Variants in PLD1 observed in about 807,000 individuals in gnomAD.
PLD1 encodes the protein phospholipase D1.
Under a neutral mutation model 137.1 loss-of-function variants are expected in PLD1, and 112 were observed. That is an observed-to-expected ratio of 0.82 (90% CI 0.70 to 0.96). The LOEUF (loss-of-function observed/expected upper bound fraction) is 0.96, where lower values mean the gene tolerates loss of function less well. Among genes scored for constraint, PLD1 ranks in the 40% least tolerant of loss-of-function variants. The pLI is 0.00. For synonymous variants in PLD1, 431 were observed against 454.7 expected (o/e 0.95, Z 0.66); for missense variants, 1,321 against 1,342.0 (o/e 0.98, Z 0.24).
At chr3:171,613,955 G>A (rs563985739) in intron 24 of PLD1, among the ~76,000 whole-genome samples, 4 of 152,324 alleles carry the variant, frequency 2.6e-5, no homozygotes, top group African/African-American at 9.6e-5. Context: ...CAGACGTGGA[G>A]CAGAAGGGTC....
rs551265265 is a variant in PLD1, at chr3:171,726,363, T to A, written c.607-287A>T. 4.9e-4 allele frequency among the ~76,000 whole-genome samples: 75 copies of A among 152,282 alleles called. 1 individual carries two copies. Among genetic ancestry groups the A allele is most frequent in the African/African-American group, 1.7e-3 (69 of 41,552 alleles). ...AGAGAGAGAGAGAGAGAGTTTATTC[T>A]CAATATTCTTTCATGTTTGTTTTTG... On this transcript the variant is annotated intron_variant, in intron 6 of 26. Coordinates refer to ENST00000351298, the MANE Select transcript of PLD1 (RefSeq NM_002662.5).
chr3:171,764,870 A>G (rs868732687), intron 1 of PLD1, among the ~76,000 whole-genome samples: 20 of 26,316 alleles, frequency 7.6e-4, no homozygotes, highest in African/African-American at 2.5e-3. Context: ...AAAGAAAGAA[A>G]GAAAGAAAGA....
intron 25 of PLD1, among the ~76,000 whole-genome samples, chr3:171,606,768 A>T (rs1432981521): frequency 6.6e-6 from 1 of 152,212 alleles, no homozygotes; most frequent in African/African-American, 2.4e-5. Flanking sequence ...CAATTATTTC[A>T]TTATGGACTT....
chr3:171,787,383 A>G (rs1446562257), intron 1 of PLD1, among the ~76,000 whole-genome samples: 1 of 152,132 alleles, frequency 6.6e-6, no homozygotes, highest in Admixed American at 6.5e-5. Flanking sequence ...TTGTGATCAA[A>G]TTACTTTCTC....
At chr3:171,705,868 A>G (rs73041835) in intron 11 of PLD1, among the ~76,000 whole-genome samples, 4,354 of 152,292 alleles carry the variant, frequency 0.029, 154 homozygotes, top group African/African-American at 0.084. Context: ...TCACAAGCCA[A>G]ATGTTGCCCA....
chr3:171,746,945 C>T (rs756766260), intron 1 of PLD1, among the ~76,000 whole-genome samples: 9 of 152,206 alleles, frequency 5.9e-5, no homozygotes, highest in Non-Finnish European at 1.2e-4. Flanking sequence ...GGCTTTGGGT[C>T]TGCACTGCTT....
chr3:171,681,413 C>A (rs1027663223), intron 16 of PLD1, among the ~76,000 whole-genome samples: 3 of 152,150 alleles, frequency 2.0e-5, no homozygotes, highest in Admixed American at 2.0e-4. Flanking sequence ...GTATTTACCA[C>A]ATTCTACACT....
At position 171,677,476 on chromosome 3, in the gene PLD1, A is replaced by G. The variant is rs569908398; in HGVS notation, c.1996+90T>C. 6.3e-6 allele frequency: 8 copies of G among 1,273,510 alleles called. No homozygotes were observed. The South Asian group carries it at 1.3e-4, about 20-fold the overall frequency. 78.9% of individuals were successfully genotyped at this position (1,273,510 alleles called of 1,614,324 possible). A position where few individuals can be genotyped will look rare whatever the true frequency, so the allele number is the denominator to read the frequency against. ...CAAAAATCAACGGAAGCAAAACAAA[A>G]GGCATTTAGATCATGCACATGTATA... On this transcript the variant is annotated intron_variant, in intron 17 of 26. Transcript: ENST00000351298.
rs778526953 is a variant in PLD1, at chr3:171,709,667, C to G, written c.954G>C (p.Trp318Cys). The G allele has an allele frequency of 1.9e-6, 3 of 1,613,908 alleles. No homozygotes were observed. Among genetic ancestry groups the G allele is most frequent in the Non-Finnish European group, 2.5e-6 (3 of 1,179,932 alleles). Residue 318 changes from tryptophan (W) to cysteine (C), a missense_variant, in exon 10 of 27, where the codon TGG becomes TGC. Physicochemically the swap from Trp to Cys is radical, Grantham distance 215. Coordinates refer to ENST00000351298, the MANE Select transcript of PLD1 (RefSeq NM_002662.5). ...TGAATTCTTCTATAGCCCCTCCCCA[C>G]CACCGAGCATGTCTATAGCTGTTGC... ...LKCNSYRHAR[W>C]WGGAIEEFIQ...
At chr3:171,605,268 G>C (rs752962958) in intron 26 of PLD1, 31 bp downstream of exon 26, 3 of 1,167,392 alleles carry the variant, frequency 2.6e-6, no homozygotes, top group Non-Finnish European at 3.9e-6. Flanking sequence ...TCAGTGAAAA[G>C]AAACGGAGGA....
chr3:171,674,949 A>C (rs1313760231), intron 18 of PLD1, among the ~76,000 whole-genome samples: 2 of 138,812 alleles, frequency 1.4e-5, no homozygotes, highest in Non-Finnish European at 3.0e-5. Context: ...ATTGCACTAC[A>C]GCCTGGGTGA....
chr3:171,786,566 G>A (rs4894510), intron 1 of PLD1, among the ~76,000 whole-genome samples: 129,424 of 152,180 alleles, frequency 0.85, 55,255 homozygotes, highest in Middle Eastern at 0.95. Flanking sequence ...AGAATTAGGA[G>A]CACTAGAATA....
rs778474769 is a variant in PLD1 at position 171,688,690 on chromosome 3, G to A, written c.1525C>T (p.Leu509=). 6.2e-7 allele frequency: 1 copy of A among 1,613,452 alleles called. No individual in the cohort carries two copies. Among genetic ancestry groups the A allele is most frequent in the Admixed American group, 1.7e-5 (1 of 60,008 alleles). ...SVKRVTSGPS[L]GSLPPAAMES... ...AATATACTTACTGGGAGGGAACCCA[G>A]AGACGGTCCTGAAGTGACCCGCTTC... Residue 509 remains leucine, a synonymous_variant, in exon 14 of 27, where the codon CTG becomes TTG. Coordinates refer to ENST00000351298, the MANE Select transcript of PLD1 (RefSeq NM_002662.5).
chr3:171,663,182 G>A (rs1711701300), intron 19 of PLD1, among the ~76,000 whole-genome samples: 1 of 152,180 alleles, frequency 6.6e-6, no homozygotes, highest in Non-Finnish European at 1.5e-5. Context: ...ATCTACTTCA[G>A]TTTATTCTTT....
chr3:171,603,417 G>A (rs1456658105), intron 26 of PLD1, 115 bp from the exon 27 acceptor site: 14 of 701,318 alleles, frequency 2.0e-5, no homozygotes, highest in Non-Finnish European at 3.4e-5. Flanking sequence ...CATATTATTA[G>A]TCTTATGTTA....
chr3:171,720,450 C>T (rs1301453194), intron 8 of PLD1, among the ~76,000 whole-genome samples: 3 of 151,868 alleles, frequency 2.0e-5, no homozygotes, highest in Admixed American at 6.6e-5. Flanking sequence ...GGCGTCATGC[C>T]GGGCGCCTGT....
chr3:171,712,828 G>A (rs931489207), intron 9 of PLD1, among the ~76,000 whole-genome samples: 1 of 152,166 alleles, frequency 6.6e-6, no homozygotes, highest in Non-Finnish European at 1.5e-5. Context: ...CAGGAGGAAG[G>A]TGTAATGGCA....
chr3:171,754,302 CAT>C (rs1197101611), intron 1 of PLD1, among the ~76,000 whole-genome samples: 1 of 152,212 alleles, frequency 6.6e-6, no homozygotes, highest in African/African-American at 2.4e-5. Flanking sequence ...GCACAAGGAA[CAT>C]GTGTGTAATG....
chr3:171,746,236 T>C (rs534529028), intron 1 of PLD1, among the ~76,000 whole-genome samples: 5 of 152,122 alleles, frequency 3.3e-5, no homozygotes, highest in Non-Finnish European at 5.9e-5. Flanking sequence ...CTGGTACCAT[T>C]GACTGCCCAA....
Sources: allele counts gnomAD v4.1 joint callset (sites outside exome capture counted in the v4.1 genomes callset), GRCh38; gene constraint gnomAD v4.1.1; transcripts MANE v1.5; gene names NCBI Gene and HGNC (gene_info 2026-07-23, HGNC 2026-07-21).